RSF1: variants seen among roughly 807,000 people sequenced by gnomAD.
The protein encoded by RSF1 is HBV pX-associated protein 8.
In RSF1, 13 loss-of-function variants were observed where a neutral mutation model predicts 145.2. That is an observed-to-expected ratio of 0.09 (90% confidence interval 0.06 to 0.14). RSF1 has a LOEUF of 0.14. RSF1 is among the 10% of genes least tolerant of loss of function. The pLI is 1.00. For missense variants in RSF1, 1,517 were observed against 1,718.2 expected, an observed-to-expected ratio of 0.88 and a Z score of 2.07; for synonymous variants, 577 against 592.6, an observed-to-expected ratio of 0.97 and a Z score of 0.38.
chr11:77,751,630 C>T (rs1415713294), intron 2 of RSF1, among the ~76,000 whole-genome samples: 2 of 152,182 alleles, frequency 1.3e-5, no homozygotes. Context: ...TCCATTAATG[C>T]TACTTAGAAG....
intron 1 of RSF1, among the ~76,000 whole-genome samples, chr11:77,792,842 C>T (rs751282812): frequency 6.6e-5 from 10 of 151,582 alleles, no homozygotes; most frequent in Middle Eastern, 6.9e-3. Context: ...AAATTCATCA[C>T]CATTAAAGGG....
chr11:77,749,907 C>G (rs1290767998), intron 2 of RSF1, among the ~76,000 whole-genome samples: 3 of 152,070 alleles, frequency 2.0e-5, no homozygotes, highest in Non-Finnish European at 2.9e-5. Flanking sequence ...CACCACCATG[C>G]CTGGCTAATT....
chr11:77,717,799 C>T (rs985080740), intron 5 of RSF1: 30 of 152,292 alleles, frequency 2.0e-4, no homozygotes, highest in African/African-American at 7.2e-4. Flanking sequence ...TTAAAATTCT[C>T]ATCAAAGTTA....
intron 9 of RSF1, among the ~76,000 whole-genome samples, chr11:77,687,731 G>A (rs1382349211): frequency 6.6e-6 from 1 of 152,106 alleles, no homozygotes; most frequent in African/African-American, 2.4e-5. Flanking sequence ...TTTAAACAAA[G>A]AGGATTACCT....
At chr11:77,786,528 T>C (rs1197269435) in intron 1 of RSF1, among the ~76,000 whole-genome samples, 4 of 152,196 alleles carry the variant, frequency 2.6e-5, no homozygotes, top group African/African-American at 9.7e-5. Context: ...TATGATCTGT[T>C]GTTGAGACCA....
intron 4 of RSF1, among the ~76,000 whole-genome samples, chr11:77,729,239 T>C (rs1029534200): frequency 6.6e-6 from 1 of 152,182 alleles, no homozygotes; most frequent in Non-Finnish European, 1.5e-5. Flanking sequence ...CCTAAAGAAA[T>C]TCTATTGACA....
the RSF1 span, among the ~76,000 whole-genome samples, chr11:77,868,204 C>T: frequency 1.3e-5 from 2 of 150,880 alleles, no homozygotes; most frequent in Non-Finnish European, 3.0e-5. Context: ...TACAGGCACC[C>T]GCTACCTGGC....
the RSF1 span, among the ~76,000 whole-genome samples, chr11:77,828,214 G>A: frequency 6.6e-6 from 1 of 152,074 alleles, no homozygotes; most frequent in Non-Finnish European, 1.5e-5. Context: ...GGCAGAGGTT[G>A]CAGTGAGCCA....
At chr11:77,779,384 A>AT (rs535878105) in intron 1 of RSF1, among the ~76,000 whole-genome samples, 5,937 of 142,448 alleles carry the variant, frequency 0.042, 367 homozygotes, top group African/African-American at 0.14. Flanking sequence ...TCTAAAAAAA[A>AT]TTTTTTTTTT....
Position 77,731,148 on chromosome 11 carries a change from G to A in RSF1, c.579-5449C>T, listed in dbSNP as rs148818536. Among the ~76,000 whole-genome samples the A allele has an allele frequency of 3.6e-3, 541 of 152,282 alleles. 1 individual carries two copies. The highest frequency in any genetic ancestry group is 0.012 in the African/African-American group (512 of 41,556). On this transcript the variant is annotated intron_variant, in intron 4 of 15. Transcript: ENST00000308488. ...ATGCTGACAGCAATATGAACAATAA[G>A]GCCCAGGCTGAGGTAGTCTCAGAAT...
chr11:77,782,326 T>C (rs545021796), intron 1 of RSF1, among the ~76,000 whole-genome samples: 1 of 152,266 alleles, frequency 6.6e-6, no homozygotes, highest in East Asian at 1.9e-4. Context: ...AGATCACTTT[T>C]GGTCAGGAGC....
the RSF1 span, among the ~76,000 whole-genome samples, chr11:77,857,947 G>A: frequency 2.0e-5 from 3 of 152,028 alleles, no homozygotes; most frequent in East Asian, 5.8e-4. Flanking sequence ...TGCCCACATT[G>A]GCCCCCAAAG....
intron 3 of RSF1, among the ~76,000 whole-genome samples, chr11:77,743,339 A>C (rs1398640843): frequency 6.6e-6 from 1 of 152,240 alleles, no homozygotes; most frequent in African/African-American, 2.4e-5. Context: ...CGGACATCTT[A>C]ACAAGATTAA....
intron 15 of RSF1, among the ~76,000 whole-genome samples, chr11:77,670,858 G>A (rs1394320756): frequency 6.6e-6 from 1 of 151,736 alleles, no homozygotes; most frequent in Middle Eastern, 3.4e-3. Flanking sequence ...TGTAATCCCA[G>A]CACTTTGGGA....
chr11:77,804,026 C>T (rs1176867375), intron 1 of RSF1, among the ~76,000 whole-genome samples: 1 of 152,104 alleles, frequency 6.6e-6, no homozygotes, highest in South Asian at 2.1e-4. Context: ...GGCCATGTTG[C>T]ACCACTGTAC....
rs371367430 is a variant in RSF1, at chr11:77,784,823, G to C, written c.188-20134C>G. 4.6e-5 allele frequency among the ~76,000 whole-genome samples: 7 copies of C among 152,314 alleles called. No individual in the cohort carries two copies. The East Asian group carries it at 1.3e-3, about 29-fold the overall frequency. ...ATCTCCAGTGTAAGTTCTAGGAAAT[G>C]TTTGGCTAGTAATAACCTGGATGTT... is the stretch of plus-strand genomic sequence containing the variant. On this transcript the variant is annotated intron_variant, in intron 1 of 15. Transcript: ENST00000308488.
At chr11:77,725,471 A>G in intron 5 of RSF1, 74 bp downstream of exon 5, 1 of 1,149,072 alleles carries the variant, frequency 8.7e-7, no homozygotes, top group East Asian at 3.0e-5. Flanking sequence ...TCAGAATTAT[A>G]TAGTTGGGAA....
chr11:77,795,994 G>A (rs1036180652), intron 1 of RSF1, among the ~76,000 whole-genome samples: 11 of 152,096 alleles, frequency 7.2e-5, no homozygotes, highest in South Asian at 2.1e-4. Flanking sequence ...GTTTATTTGC[G>A]TAGAGGCGTT....
intron 9 of RSF1, 44 bp from the exon 10 acceptor site, chr11:77,685,203 T>TA (rs1299554527): frequency 4.2e-6 from 5 of 1,189,658 alleles, no homozygotes; most frequent in Non-Finnish European, 6.0e-6. Flanking sequence ...TTGCAGAAAA[T>TA]AAAACTGTTA....
Sources: allele counts gnomAD v4.1 joint callset (sites outside exome capture counted in the v4.1 genomes callset), GRCh38; gene constraint gnomAD v4.1.1; transcripts MANE v1.5; gene names NCBI Gene and HGNC (gene_info 2026-07-23, HGNC 2026-07-21).